The following ETV6 variants were observed in gnomAD, a reference collection of about 807,000 sequenced individuals.
ETV6 encodes the protein ETS variant transcription factor 6, also known as transcription factor ETV6.
Under a neutral mutation model 51.1 loss-of-function variants are expected in ETV6, and 16 were observed. The observed-to-expected ratio is 0.31, with a 90% CI of 0.21 to 0.48. The LOEUF is 0.48. ETV6 is among the 20% of genes least tolerant of loss of function. The probability of loss-of-function intolerance (pLI) is 0.99; values close to 1 mark genes in which losing one functional copy is unlikely to be tolerated. For missense variants in ETV6, 458 were observed against 594.8 expected (o/e 0.77, Z 2.39); for synonymous variants, 240 against 224.1 (o/e 1.07, Z -0.64).
chr12:11,893,035 G>A lies in ETV6; in HGVS notation c.*1989G>A, dbSNP rs1283634587. On this transcript the variant is annotated 3_prime_UTR_variant, in exon 8 of 8. Transcript: ENST00000396373. ...CAGGGACCTTCTATATGAGGCGAGT[G>A]GGTCTCAGTCTGCTTGAATGGTGAT... The A allele has an allele frequency of 4.3e-6, 1 of 232,762 alleles. No homozygotes were observed. Among genetic ancestry groups the A allele is most frequent in the Non-Finnish European group, 8.5e-6 (1 of 117,836 alleles). The allele number at this position is 232,762 out of a possible 1,614,324, so 14.4% of individuals were successfully genotyped here.
At chr12:11,761,349 A>G (rs1945083816) in intron 2 of ETV6, among the ~76,000 whole-genome samples, 1 of 152,230 alleles carries the variant, frequency 6.6e-6, no homozygotes, top group Non-Finnish European at 1.5e-5. Flanking sequence ...TCCTGTATGC[A>G]CACTGTTATC....
chr12:11,729,234 C>T (rs1402484447), intron 1 of ETV6, among the ~76,000 whole-genome samples: 3 of 152,132 alleles, frequency 2.0e-5, no homozygotes, highest in Admixed American at 6.5e-5. Flanking sequence ...TGTGCCAGTT[C>T]GTGGCCTAGA....
chr12:11,745,514 TC>T lies in ETV6; in HGVS notation c.34-6931del, dbSNP rs939083614. On this transcript the variant is annotated intron_variant, in intron 1 of 7. Coordinates refer to ENST00000396373, the MANE Select transcript of ETV6 (RefSeq NM_001987.5). ...CTCCGAGAAGATTTTAAATCTTTTT[TC>T]CCCCACAGGCCACATATATCCTTAA... Among the ~76,000 whole-genome samples, 5 of 152,290 alleles carry T rather than the reference TC, an allele frequency of 3.3e-5. No individual in the cohort carries two copies. The South Asian group carries it at 1.0e-3, about 32-fold the overall frequency.
chr12:11,650,203 G>A, intron 1 of ETV6, 43 bp downstream of exon 1: 1 of 1,554,840 alleles, frequency 6.4e-7, no homozygotes, highest in Non-Finnish European at 8.9e-7. Context: ...GAAACCCTGA[G>A]CTGCACCGGC....
chr12:11,715,769 C>A (rs1865263112), intron 1 of ETV6, among the ~76,000 whole-genome samples: 1 of 152,186 alleles, frequency 6.6e-6, no homozygotes, highest in African/African-American at 2.4e-5. Context: ...GTCACAATTT[C>A]ACAATGTGAC....
chr12:11,753,804 A>T (rs1410617391), intron 2 of ETV6, among the ~76,000 whole-genome samples: 1 of 152,214 alleles, frequency 6.6e-6, no homozygotes, highest in East Asian at 1.9e-4. Flanking sequence ...AGGCATGAGA[A>T]TCCTTTCCCT....
intron 1 of ETV6, among the ~76,000 whole-genome samples, chr12:11,674,768 T>C (rs1340752184): frequency 6.6e-6 from 1 of 151,692 alleles, no homozygotes; most frequent in Non-Finnish European, 1.5e-5. Flanking sequence ...GAGATGATGA[T>C]GTGAGAAGGG....
chr12:11,752,830 A>T, intron 2 of ETV6: 2 of 382,398 alleles, frequency 5.2e-6, no homozygotes, highest in South Asian at 1.3e-4. Context: ...AAACCTGGAA[A>T]CATGCAGTAT....
intron 4 of ETV6, among the ~76,000 whole-genome samples, chr12:11,857,210 C>G (rs1221135188): frequency 6.6e-6 from 1 of 152,232 alleles, no homozygotes; most frequent in Non-Finnish European, 1.5e-5. Flanking sequence ...CAATCTAGCA[C>G]CAGTTCCCCA....
chr12:11,775,518 T>C (rs931284833), intron 2 of ETV6, among the ~76,000 whole-genome samples: 2 of 152,176 alleles, frequency 1.3e-5, no homozygotes, highest in African/African-American at 4.8e-5. Context: ...GCACCTGTGA[T>C]CAACCACATA....
chr12:11,836,347 A>T (rs996874307), intron 2 of ETV6, among the ~76,000 whole-genome samples: 1 of 152,176 alleles, frequency 6.6e-6, no homozygotes, highest in Non-Finnish European at 1.5e-5. Flanking sequence ...CGACGCTGAT[A>T]AATGTATTGA....
intron 3 of ETV6, among the ~76,000 whole-genome samples, chr12:11,851,309 CA>C (rs1946550228): frequency 6.6e-6 from 1 of 151,508 alleles, no homozygotes; most frequent in East Asian, 1.9e-4. Flanking sequence ...CGCATACTAC[CA>C]AAAAAACCAG....
intron 3 of ETV6, among the ~76,000 whole-genome samples, chr12:11,851,221 A>G (rs1360706268): frequency 6.9e-6 from 1 of 144,042 alleles, no homozygotes; most frequent in African/African-American, 2.7e-5. Flanking sequence ...AAATGGATAC[A>G]CTAATTACTG....
chr12:11,651,757 T>C (rs1863910873), intron 1 of ETV6, among the ~76,000 whole-genome samples: 1 of 152,194 alleles, frequency 6.6e-6, no homozygotes, highest in Non-Finnish European at 1.5e-5. Flanking sequence ...GGATATTCAA[T>C]AAATAAATTG....
intron 2 of ETV6, among the ~76,000 whole-genome samples, chr12:11,786,012 C>G (rs1344296250): frequency 6.7e-6 from 1 of 150,140 alleles, no homozygotes; most frequent in Admixed American, 6.6e-5. Flanking sequence ...CCATTGGCTA[C>G]AAAAAAAAAT....
intron 2 of ETV6, among the ~76,000 whole-genome samples, chr12:11,780,635 A>C (rs781501512): frequency 6.6e-6 from 1 of 152,124 alleles, no homozygotes; most frequent in Admixed American, 6.5e-5. Flanking sequence ...TGAGACTAGC[A>C]CCTCTGCCAT....
intron 1 of ETV6, among the ~76,000 whole-genome samples, chr12:11,670,800 A>G (rs1424907029): frequency 1.3e-5 from 2 of 152,236 alleles, no homozygotes; most frequent in Non-Finnish European, 2.9e-5. Context: ...GGTAGATGAA[A>G]TATTATTCTA....
At chr12:11,764,881 A>T (rs1233461087) in intron 2 of ETV6, among the ~76,000 whole-genome samples, 2 of 152,136 alleles carry the variant, frequency 1.3e-5, no homozygotes, top group Admixed American at 1.3e-4. Context: ...TATTATCCTC[A>T]TCTTACTGAT....
intron 1 of ETV6, among the ~76,000 whole-genome samples, chr12:11,694,082 C>A (rs142594850): frequency 6.6e-6 from 1 of 152,150 alleles, no homozygotes; most frequent in African/African-American, 2.4e-5. Flanking sequence ...TGTATCATGC[C>A]GTGGCATAAC....
Sources: allele counts gnomAD v4.1 joint callset (sites outside exome capture counted in the v4.1 genomes callset), GRCh38; gene constraint gnomAD v4.1.1; transcripts MANE v1.5; gene names NCBI Gene and HGNC (gene_info 2026-07-23, HGNC 2026-07-21).